EPG5: variants seen among roughly 807,000 people sequenced by gnomAD.
EPG5 encodes ectopic P-granules 5 autophagy tethering factor, also known as ectopic P granules protein 5 homolog.
Under a neutral mutation model 302.7 loss-of-function variants are expected in EPG5, and 159 were observed. The observed-to-expected ratio is 0.53, with a 90% CI of 0.46 to 0.60. The LOEUF (loss-of-function observed/expected upper bound fraction) is 0.60, where lower values mean the gene tolerates loss of function less well. Among genes scored for constraint, EPG5 ranks in the 20% least tolerant of loss-of-function variants. EPG5 has a pLI of 0.00. For synonymous variants in EPG5, 1,158 were observed against 1,136.8 expected, an observed-to-expected ratio of 1.02 and a Z score of -0.37; for missense variants, 2,896 against 3,092.4, an observed-to-expected ratio of 0.94 and a Z score of 1.51.
rs2048436750 is a variant in EPG5 at position 45,852,493 on chromosome 18, C to T, written c.7714G>A (p.Val2572Met). 1.2e-6 allele frequency: 2 copies of T among 1,614,164 alleles called. No individual in the cohort carries two copies. Among genetic ancestry groups the T allele is most frequent in the South Asian group, 1.1e-5 (1 of 91,072 alleles). ...ALLVNCLYPE[V>M]HYLDHIR ...TATCGTATGTGGTCCAAATAATGCA[C>T]TTCTGGATACAGACAGTTAACGAGA... Residue 2572 changes from valine to methionine, a missense_variant, in exon 44 of 44, where the codon GTG (valine) becomes ATG (methionine). By Grantham distance (21) the Val-to-Met change is conservative. Around this residue, in one of 5 missense-constraint regions of EPG5, gnomAD observed 620 missense variants for 704.2 expected, o/e 0.88. Transcript: ENST00000282041.
the EPG5 span, chr18:45,825,916 T>TTC: frequency 9.8e-7 from 1 of 1,024,874 alleles, no homozygotes; most frequent in Non-Finnish European, 1.5e-6. Context: ...AGAGCTGCGC[T>TTC]TGGGGCCTGT....
chr18:45,894,749 A>G (rs1171911881), intron 27 of EPG5, among the ~76,000 whole-genome samples: 1 of 151,104 alleles, frequency 6.6e-6, no homozygotes, highest in Non-Finnish European at 1.5e-5. Flanking sequence ...TGTGTTTAGA[A>G]AAATGCAGAA....
the EPG5 span, among the ~76,000 whole-genome samples, chr18:45,819,586 G>A: frequency 6.6e-6 from 1 of 152,156 alleles, no homozygotes; most frequent in Non-Finnish European, 1.5e-5. Context: ...AAGCAATTGT[G>A]TTGCTTCTCA....
intron 14 of EPG5, among the ~76,000 whole-genome samples, chr18:45,925,478 AAAAAAAT>A (rs2050247472): frequency 6.6e-6 from 1 of 152,148 alleles, no homozygotes; most frequent in Non-Finnish European, 1.5e-5. Context: ...GTCTCAAACA[AAAAAAAT>A]AAAAAATAAA....
chr18:45,855,136 A>T (rs2048488034), intron 43 of EPG5, among the ~76,000 whole-genome samples: 1 of 152,166 alleles, frequency 6.6e-6, no homozygotes, highest in Non-Finnish European at 1.5e-5. Flanking sequence ...AGCCAACAAT[A>T]GTCAACCTTC....
At chr18:45,857,254 C>T (rs1385255127) in intron 42 of EPG5, among the ~76,000 whole-genome samples, 6 of 152,112 alleles carry the variant, frequency 3.9e-5, no homozygotes, top group Non-Finnish European at 7.4e-5. Context: ...GGACTACAGG[C>T]ATGTATCACC....
Position 45,858,028 on chromosome 18 carries a change from G to T in EPG5, c.7267C>A (p.Gln2423Lys). Residue 2423 changes from glutamine (Q) to lysine (K), a missense_variant, in exon 42 of 44, where the codon CAA becomes AAA. Physicochemically the swap from Gln to Lys is moderately conservative, Grantham distance 53. Around this residue, in one of 5 missense-constraint regions of EPG5, gnomAD observed 620 missense variants for 704.2 expected, o/e 0.88. Coordinates refer to ENST00000282041, the MANE Select transcript of EPG5 (RefSeq NM_020964.3). ...TGAATGAGGGAGAGCTGAAGGACTT[G>T]GTGCCACCACAAAAACAGCTTTGCC... ...EEAKLFLWWH[Q>K]VLQLSLIQTE... is the part of the protein sequence containing the mutation. 6.2e-7 allele frequency: 1 copy of T among 1,613,824 alleles called. No homozygotes were observed. The highest frequency in any genetic ancestry group is 8.5e-7 in the Non-Finnish European group (1 of 1,179,930).
chr18:45,921,811 A>G (rs2004085), intron 16 of EPG5, among the ~76,000 whole-genome samples: 38,670 of 151,518 alleles, frequency 0.26, 5,935 homozygotes, highest in African/African-American at 0.41. Context: ...AGGGCCTGTC[A>G]TGGGGTGGGG....
chr18:45,848,564 A>G lies in EPG5; in HGVS notation c.*3903T>C, dbSNP rs1394766854. 6 of 152,264 alleles carry G rather than the reference A, an allele frequency of 3.9e-5. No homozygotes were observed. The highest frequency in any genetic ancestry group is 7.3e-5 in the Non-Finnish European group (5 of 68,058). The allele number at this position is 152,264 out of a possible 1,614,324, so 9.4% of individuals were successfully genotyped here. ...CTCTAACCCCAGGGCTGGGGCCAGAATGAGGTAAAGGAGGCACCACGGGGG... is the reference window on the plus strand; with the variant it reads ...CTCTAACCCCAGGGCTGGGGCCAGAGTGAGGTAAAGGAGGCACCACGGGGG... On this transcript the variant is annotated 3_prime_UTR_variant, in exon 44 of 44. Transcript: ENST00000282041.
intron 3 of EPG5, among the ~76,000 whole-genome samples, chr18:45,951,792 A>G (rs570997497): frequency 9.8e-4 from 149 of 152,218 alleles, no homozygotes; most frequent in African/African-American, 3.4e-3. Context: ...AAATCAGTAC[A>G]TCTCTGACCT....
At chr18:45,860,687 A>C (rs907942214) in intron 39 of EPG5, among the ~76,000 whole-genome samples, 2 of 152,222 alleles carry the variant, frequency 1.3e-5, no homozygotes, top group Non-Finnish European at 2.9e-5. Context: ...ACCTTTGCTC[A>C]TGGAAAACCA....
intron 43 of EPG5, 139 bp downstream of exon 43, chr18:45,855,434 A>T: frequency 1.7e-6 from 1 of 596,918 alleles, no homozygotes; most frequent in Non-Finnish European, 2.9e-6. Flanking sequence ...TTTTCCCGTA[A>T]GTAGGGCACA....
At chr18:45,882,798 G>A (rs1432986939) in intron 30 of EPG5, among the ~76,000 whole-genome samples, 1 of 151,800 alleles carries the variant, frequency 6.6e-6, no homozygotes, top group Non-Finnish European at 1.5e-5. Context: ...ACCTGAGGTC[G>A]GGAGTTCAAG....
chr18:45,907,960 G>A lies in EPG5; in HGVS notation c.4327C>T (p.Gln1443Ter), dbSNP rs374321183. 3.9e-6 allele frequency: 6 copies of A among 1,557,640 alleles called. No homozygotes were observed. The highest frequency in any genetic ancestry group is 2.3e-5 in the East Asian group (1 of 43,024). Residue 1443 changes from glutamine (Q) to a stop codon, truncating the protein, a stop_gained and splice_region_variant, in exon 24 of 44, where the codon CAG (glutamine) becomes TAG (stop). Coordinates refer to ENST00000282041, the MANE Select transcript of EPG5 (RefSeq NM_020964.3). LOFTEE classifies it high-confidence loss of function. The part of the protein sequence containing the change: ...HRLAKVMQNQ[Q>*]DLWMEYLNME... ...AAAAAGGAGGGCTATAATTTCACCT[G>A]CTGATTCTGCATCACTTTTGCTAGC...
chr18:45,938,159 C>A (rs2059526569), intron 10 of EPG5, among the ~76,000 whole-genome samples: 1 of 152,048 alleles, frequency 6.6e-6, no homozygotes, highest in Admixed American at 6.6e-5. Context: ...ATAAGTATAA[C>A]AGGAGTAATC....
chr18:45,867,494 T>A (rs1280845058), intron 37 of EPG5, 69 bp downstream of exon 37: 22 of 1,294,030 alleles, frequency 1.7e-5, no homozygotes, highest in Non-Finnish European at 2.3e-5. Context: ...AATGAAAAAC[T>A]ACGACCTAGT....
rs76350999 is a variant in EPG5, at chr18:45,883,361, A to C, written c.5305-874T>G. ...TTACCTGTCTCAGTTAATAAAATTC[A>C]GACTGTTGATATTCCCTTCCAAAAT... On this transcript the variant is annotated intron_variant, in intron 30 of 43. Transcript: ENST00000282041. 9.0e-3 allele frequency among the ~76,000 whole-genome samples: 1,374 copies of C among 152,226 alleles called. 16 individuals carry two copies. Among genetic ancestry groups the C allele is most frequent in the African/African-American group, 0.032 (1,322 of 41,526 alleles).
intron 24 of EPG5, among the ~76,000 whole-genome samples, chr18:45,905,956 G>C (rs896020206): frequency 6.6e-6 from 1 of 152,144 alleles, no homozygotes; most frequent in African/African-American, 2.4e-5. Flanking sequence ...TATTTTTCTT[G>C]TTTCTCTGGC....
At chr18:45,828,574 C>A in the EPG5 span, among the ~76,000 whole-genome samples, 1 of 152,182 alleles carries the variant, frequency 6.6e-6, no homozygotes, top group Non-Finnish European at 1.5e-5. Context: ...ATCTTCAGAA[C>A]CCCTTGTGCC....
Sources: gnomAD v4.1 joint callset for allele counts (sites outside exome capture counted in the v4.1 genomes callset) on GRCh38, gnomAD v4.1.1 for gene constraint, gnomAD v4.1.1 regional missense constraint, MANE v1.5 for transcripts, NCBI Gene and HGNC (gene_info 2026-07-23, HGNC 2026-07-21) for gene names.